CHRNB3: variants seen among roughly 807,000 people sequenced by gnomAD.
CHRNB3 encodes cholinergic receptor nicotinic beta 3 subunit, also known as neuronal acetylcholine receptor subunit beta-3.
Under a neutral mutation model 40.6 loss-of-function variants are expected in CHRNB3, and 37 were observed. The ratio of observed to expected loss-of-function variants is 0.91; its 90% confidence interval spans 0.70 to 1.20. The LOEUF is 1.20. Ranked by LOEUF, CHRNB3 falls within the 50% of genes most tolerant of loss-of-function variation. CHRNB3 has a pLI of 0.00. For synonymous variants in CHRNB3, 207 were observed against 207.1 expected (o/e 1.00, Z 0.00); for missense variants, 505 against 551.2 (o/e 0.92, Z 0.84).
chr8:42,735,127 G>A, intron 5 of CHRNB3, among the ~76,000 whole-genome samples: 1 of 152,098 alleles, frequency 6.6e-6, no homozygotes, highest in East Asian at 1.9e-4. Context: ...GGCTGAGGCA[G>A]GAGAATGGTG....
At chr8:42,715,620 T>C (rs973010668) in intron 3 of CHRNB3, among the ~76,000 whole-genome samples, 1 of 151,464 alleles carries the variant, frequency 6.6e-6, no homozygotes, top group African/African-American at 2.4e-5. Context: ...TTAAGTCAAT[T>C]CTCCTGTCTT....
At chr8:42,710,457 T>C in intron 3 of CHRNB3, 23 bp downstream of exon 3, 2 of 1,587,882 alleles carry the variant, frequency 1.3e-6, no homozygotes. Flanking sequence ...CCAAGGATTG[T>C]GTCTGCTAAC....
At chr8:42,730,814 C>T (rs1219053320) in intron 4 of CHRNB3, 111 bp downstream of exon 4, 16 of 488,810 alleles carry the variant, frequency 3.3e-5, no homozygotes, top group Admixed American at 2.1e-4. Context: ...TTTGGGAGGC[C>T]GAGGCGGGTG....
intron 3 of CHRNB3, among the ~76,000 whole-genome samples, chr8:42,713,081 C>G (rs933625959): frequency 6.6e-6 from 1 of 151,752 alleles, no homozygotes; most frequent in Non-Finnish European, 1.5e-5. Context: ...AGGCTGGTCT[C>G]GAACTCCTGA....
At chr8:42,702,010 A>G (rs1815814158) in intron 1 of CHRNB3, among the ~76,000 whole-genome samples, 2 of 152,162 alleles carry the variant, frequency 1.3e-5, no homozygotes, top group South Asian at 2.1e-4. Context: ...TCAGAGTCCA[A>G]TGCCTCTCAT....
intron 1 of CHRNB3, chr8:42,705,892 A>C (rs980797391): frequency 6.6e-6 from 1 of 152,252 alleles, no homozygotes; most frequent in Non-Finnish European, 1.5e-5. Context: ...TGTCCACTCA[A>C]TAGCCATTAG....
intron 3 of CHRNB3, among the ~76,000 whole-genome samples, chr8:42,712,859 C>CTTTTTTTTT (rs567650103): frequency 2.6e-5 from 3 of 114,750 alleles, no homozygotes; most frequent in Non-Finnish European, 5.2e-5. Context: ...CCACTGCTCT[C>CTTTTTTTTT]TTTTTTTTTT....
intron 2 of CHRNB3, 38 bp downstream of exon 2, chr8:42,708,906 A>C: frequency 6.3e-7 from 1 of 1,589,718 alleles, no homozygotes; most frequent in South Asian, 1.1e-5. Context: ...AAGAACATGC[A>C]TTCCTTAACC....
rs757895424 is a variant in CHRNB3, at chr8:42,708,859, T to TGTG, written c.197_198insGGT (p.Val66dup). The TGTG allele has an allele frequency of 6.2e-7, 1 of 1,612,854 alleles. No individual in the cohort carries two copies. The highest frequency in any genetic ancestry group is 8.5e-7 in the Non-Finnish European group (1 of 1,179,402). On this transcript the variant is annotated inframe_insertion, in exon 2 of 6. Coordinates refer to ENST00000289957, the MANE Select transcript of CHRNB3 (RefSeq NM_000749.5). The stretch of plus-strand genomic sequence containing the variant: ...ATTTTGGATTGAAAATATCCCAGCT[T>TGTG]GTAGATGTGGTGAGTAATCCTTGGC...
At chr8:42,708,474 T>TACACACACAC (rs4955) in intron 1 of CHRNB3, among the ~76,000 whole-genome samples, 10,512 of 148,816 alleles carry the variant, frequency 0.071, 506 homozygotes, top group East Asian at 0.17. Flanking sequence ...TCAAAAAAAA[T>TACACACACAC]ACACACACAC....
intron 5 of CHRNB3, among the ~76,000 whole-genome samples, chr8:42,735,271 C>T (rs979640740): frequency 1.3e-5 from 2 of 152,018 alleles, no homozygotes; most frequent in African/African-American, 4.8e-5. Flanking sequence ...GGTGTGGTGG[C>T]TCACGCCTGT....
chr8:42,701,798 T>G (rs1284686076), intron 1 of CHRNB3, among the ~76,000 whole-genome samples: 2 of 152,166 alleles, frequency 1.3e-5, no homozygotes, highest in African/African-American at 4.8e-5. Context: ...ATGCACATCT[T>G]AAACTCTGAC....
chr8:42,699,011 A>T (rs185801167), intron 1 of CHRNB3, among the ~76,000 whole-genome samples: 14 of 152,362 alleles, frequency 9.2e-5, no homozygotes, highest in African/African-American at 3.4e-4. Context: ...ACAGATCTAT[A>T]ATAAATCTAA....
chr8:42,722,122 C>A (rs1448456229), intron 3 of CHRNB3, among the ~76,000 whole-genome samples: 6 of 152,076 alleles, frequency 3.9e-5, no homozygotes. Flanking sequence ...GCCTGTAATC[C>A]TAGCACTTTG....
rs752106826 is a variant in CHRNB3, at chr8:42,708,825, TA to T, written c.165del (p.Val56TyrfsTer5). 3.1e-6 allele frequency: 5 copies of T among 1,613,936 alleles called. No homozygotes were observed. Among genetic ancestry groups the T allele is most frequent in the Non-Finnish European group, 2.5e-6 (3 of 1,179,920 alleles). On this transcript the variant is annotated frameshift_variant, in exon 2 of 6. Coordinates refer to ENST00000289957, the MANE Select transcript of CHRNB3 (RefSeq NM_000749.5). LOFTEE classifies it high-confidence loss of function. ...VRPVLHSNDT[I>X]KVYFGLKISQ... is the part of the protein sequence containing the mutation. ...CCTGTATTACATTCTAATGACACCA[TA>T]AAAGTATATTTTGGATTGAAAATAT...
At chr8:42,707,934 C>T (rs1323623981) in intron 1 of CHRNB3, among the ~76,000 whole-genome samples, 1 of 152,218 alleles carries the variant, frequency 6.6e-6, no homozygotes, top group East Asian at 1.9e-4. Flanking sequence ...CCCATTGCTC[C>T]CATCGTCAGG....
intron 3 of CHRNB3, among the ~76,000 whole-genome samples, chr8:42,718,038 C>T (rs1354727068): frequency 5.3e-5 from 8 of 150,724 alleles, no homozygotes; most frequent in Admixed American, 5.3e-4. Flanking sequence ...GCCATGTTGG[C>T]TAGGCTGGTC....
At chr8:42,723,341 T>C (rs1419268501) in intron 3 of CHRNB3, among the ~76,000 whole-genome samples, 1 of 152,188 alleles carries the variant, frequency 6.6e-6, no homozygotes, top group Non-Finnish European at 1.5e-5. Context: ...TTGTTTTTTT[T>C]GTTTTCTCTC....
intron 3 of CHRNB3, among the ~76,000 whole-genome samples, chr8:42,713,057 TCAG>T (rs1240580249): frequency 6.6e-6 from 1 of 152,014 alleles, no homozygotes; most frequent in Non-Finnish European, 1.5e-5. Flanking sequence ...AGACGGGGTT[TCAG>T]CATGTTGGCC....
Sources: allele counts gnomAD v4.1 joint callset (sites outside exome capture counted in the v4.1 genomes callset), GRCh38; gene constraint gnomAD v4.1.1; transcripts MANE v1.5; gene names NCBI Gene and HGNC (gene_info 2026-07-23, HGNC 2026-07-21).